The following ABCA2 variants were observed in gnomAD, a reference collection of about 807,000 sequenced individuals.
The protein encoded by ABCA2 is ATP-binding cassette sub-family A member 2.
Under a neutral mutation model 262.8 loss-of-function variants are expected in ABCA2, and 84 were observed. The observed-to-expected ratio is 0.32, with a 90% confidence interval of 0.27 to 0.38. The LOEUF (loss-of-function observed/expected upper bound fraction) is 0.38. ABCA2 is among the 10% of genes least tolerant of loss of function. ABCA2 has a pLI of 1.00. For synonymous variants in ABCA2, 1,696 were observed against 1,502.9 expected (o/e 1.13, Z -2.97); for missense variants, 2,662 against 3,405.9 (o/e 0.78, Z 5.44).
chr9:137,017,873 G>C lies in ABCA2; in HGVS notation c.2125C>G (p.Pro709Ala). 1 of 1,612,598 alleles carries C rather than the reference G, an allele frequency of 6.2e-7. No homozygotes were observed. Among genetic ancestry groups the C allele is most frequent in the Non-Finnish European group, 8.5e-7 (1 of 1,179,860 alleles). ...DFLFVIEHMM[P>A]LCMVISWVYS... ...ACCCAGGAGATCACCATGCACAGCG[G>C]CATCATGTGCTCAATGACAAACAGG... Residue 709 changes from proline (P) to alanine (A), a missense_variant, in exon 16 of 49, where the codon CCG becomes GCG. Transcript: ENST00000341511.
chr9:137,016,968 C>T lies in ABCA2; in HGVS notation c.2710G>A (p.Ala904Thr), dbSNP rs376136854. Residue 904 changes from alanine to threonine, a missense_variant, in exon 19 of 49, where the codon GCC (alanine) becomes ACC (threonine). Physicochemically the swap from Ala to Thr is moderately conservative, Grantham distance 58 (BLOSUM62 0). Coordinates refer to ENST00000341511, the MANE Select transcript of ABCA2 (RefSeq NM_001606.5). The part of the protein sequence containing the change: ...LLAVTMLMVD[A>T]VVYGILTWYI... ...CACGTGAGGATGCCATAGACCACGG[C>T]GTCCACCATCAGCATGGTGACAGCC... The T allele has an allele frequency of 4.3e-6, 7 of 1,612,688 alleles. No homozygotes were observed. The African/African-American group carries it at 5.3e-5, about 12-fold the overall frequency.
At chr9:137,023,906 AC>A in intron 2 of ABCA2, 66 bp from the exon 3 acceptor site, 1 of 1,074,940 alleles carries the variant, frequency 9.3e-7, no homozygotes, top group Non-Finnish European at 1.4e-6. Flanking sequence ...AACAGAGGAG[AC>A]CAGTGAGTGC....
At chr9:137,010,941 C>T in intron 39 of ABCA2, 32 bp downstream of exon 39, 1 of 656,356 alleles carries the variant, frequency 1.5e-6, no homozygotes, top group South Asian at 1.7e-5. Context: ...CTGCTCCCGC[C>T]CCGCCCCCGC....
In ABCA2 at chr9:137,021,270, C is replaced by T; in HGVS notation, c.897+122G>A. On this transcript the variant is annotated intron_variant, in intron 8 of 48. Transcript: ENST00000341511. The surrounding 1 kb of genome is among the most constrained non-coding windows in gnomAD (Gnocchi z 6.0). ...AGCCATGGTGCCATTGGATACCCAC[C>T]CACAGGCAGCATCCCACGCACAGCC... The T allele has an allele frequency of 7.4e-7, 1 of 1,351,248 alleles. No individual in the cohort carries two copies. The highest frequency in any genetic ancestry group is 1.0e-6 in the Non-Finnish European group (1 of 1,000,984). The allele number at this position is 1,351,248 out of a possible 1,614,324, so 83.7% of individuals were successfully genotyped here.
At chr9:137,022,286 A>T in intron 6 of ABCA2, 65 bp downstream of exon 6, 1 of 1,502,942 alleles carries the variant, frequency 6.7e-7, no homozygotes, top group Non-Finnish European at 8.9e-7. Context: ...AGGATGGCTC[A>T]GCAACCAGGG....
Position 137,015,108 on chromosome 9 carries a change from C to A in ABCA2, c.3698-11G>T, listed in dbSNP as rs377491135. 1 of 1,564,986 alleles carries A rather than the reference C, an allele frequency of 6.4e-7. No individual in the cohort carries two copies. Among genetic ancestry groups the A allele is most frequent in the Non-Finnish European group, 8.6e-7 (1 of 1,158,508 alleles). ...ATGCCAGCCCTGGCTCTGTGGGGGA[C>A]GTGGGAGCAGGAAGGAATTCACTCA... On this transcript the variant is annotated splice_polypyrimidine_tract_variant and intron_variant, in intron 24 of 48. Coordinates refer to ENST00000341511, the MANE Select transcript of ABCA2 (RefSeq NM_001606.5).
chr9:137,024,330 C>A, intron 1 of ABCA2, 94 bp from the exon 2 acceptor site: 3 of 1,094,298 alleles, frequency 2.7e-6, no homozygotes, highest in Non-Finnish European at 3.9e-6. Context: ...CCAGACAGGA[C>A]CACGTGCTCC....
rs1564212766 is a variant in ABCA2 at position 137,010,707 on chromosome 9, C to T, written c.6087G>A (p.Glu2029=). Residue 2029 remains glutamate (E), a synonymous_variant, in exon 40 of 49, where the codon GAG becomes GAA. Transcript: ENST00000341511. Reference sequence around the variant, plus strand: ...GCTCACTGGCCACGTCCACATCATCCTCCACAGGCTTGGTAGACACAGGCA... The same window carrying T: ...GCTCACTGGCCACGTCCACATCATCTTCCACAGGCTTGGTAGACACAGGCA... The part of the protein sequence containing the change: ...QRMPVSTKPV[E]DDVDVASERQ... 1.9e-6 allele frequency: 3 copies of T among 1,612,572 alleles called. No individual in the cohort carries two copies. The East Asian group carries it at 6.7e-5, about 36-fold the overall frequency.
chr9:137,013,709 G>T, intron 28 of ABCA2, 123 bp downstream of exon 28: 1 of 1,352,306 alleles, frequency 7.4e-7, no homozygotes, highest in Non-Finnish European at 1.0e-6. Context: ...ACCCCGGTGC[G>T]TGCCCAGCCT....
chr9:137,012,242 C>T (rs757102847), intron 33 of ABCA2, 23 bp downstream of exon 33: 1 of 1,595,382 alleles, frequency 6.3e-7, no homozygotes, highest in Non-Finnish European at 8.5e-7. Flanking sequence ...CCGCCCCGCC[C>T]CGCCCTGCCT....
chr9:137,020,919 A>T lies in ABCA2; in HGVS notation c.1040T>A (p.Leu347Gln). Residue 347 changes from leucine to glutamine, a missense_variant, in exon 9 of 49, where the codon CTG becomes CAG. This residue lies in a region of ABCA2 where 403 missense variants were observed against 375.9 expected (regional missense o/e 1.07). Transcript: ENST00000341511. The stretch of plus-strand genomic sequence containing the variant: ...CCGGCCAGTGCAGGCACCCTGGGGC[A>T]GTAGCAGGGCCAGGGCCGACAGGAC... ...VDVLSALALL[L>Q]PQGACTGRTP... 1 of 1,565,428 alleles carries T rather than the reference A, an allele frequency of 6.4e-7. No homozygotes were observed. Among genetic ancestry groups the T allele is most frequent in the East Asian group, 2.3e-5 (1 of 42,928 alleles).
In ABCA2 at chr9:137,022,066, GGCTCCGATGGACGTGT is replaced by G. The variant is rs1831476957; in HGVS notation, c.568-81_568-66del. 131 of 677,808 alleles carry G rather than the reference GGCTCCGATGGACGTGT, an allele frequency of 1.9e-4. No individual in the cohort carries two copies. The South Asian group carries it at 2.2e-3, about 11-fold the overall frequency. The allele number at this position is 677,808 out of a possible 1,614,324, so 42.0% of individuals were successfully genotyped here. On this transcript the variant is annotated intron_variant, in intron 6 of 48. Transcript: ENST00000341511. ...GGCGTGGCTCAGATGGTGGGGGCGTGGCTCCGATGGACGTGTGGGGGCGTGGCTTAGATGGTGGGGG... is the reference window on the plus strand; with the variant it reads ...GGCGTGGCTCAGATGGTGGGGGCGTGGGGGGCGTGGCTTAGATGGTGGGGG...
chr9:137,008,717 C>A lies in ABCA2; in HGVS notation c.7068+14G>T, dbSNP rs1399433031. The A allele has an allele frequency of 3.2e-6, 5 of 1,572,094 alleles. No homozygotes were observed. The highest frequency in any genetic ancestry group is 4.3e-6 in the Non-Finnish European group (5 of 1,159,808). On this transcript the variant is annotated intron_variant, in intron 47 of 48. Coordinates refer to ENST00000341511, the MANE Select transcript of ABCA2 (RefSeq NM_001606.5). ...AGGGGCAGGTGTGGTGCGCAGTGCC[C>A]TTGGGGCGCTCACATTGTCCAGTGT...
At chr9:137,024,797 C>CTTTTT (rs869249419) in intron 1 of ABCA2, among the ~76,000 whole-genome samples, 2 of 139,624 alleles carry the variant, frequency 1.4e-5, no homozygotes, top group African/African-American at 2.7e-5. Context: ...GCAAAGGCAC[C>CTTTTT]TTTTTTTTTT....
In ABCA2 at chr9:137,020,509, C is replaced by A; in HGVS notation, c.1266-14G>T. 1 of 1,576,358 alleles carries A rather than the reference C, an allele frequency of 6.3e-7. No homozygotes were observed. The highest frequency in any genetic ancestry group is 8.6e-7 in the Non-Finnish European group (1 of 1,162,550). On this transcript the variant is annotated splice_polypyrimidine_tract_variant and intron_variant, in intron 9 of 48. Transcript: ENST00000341511. Reference sequence around the variant, plus strand: ...GGTTCAATGGTGCTGGGGTAGGGGACAGGGGGCCGGGCCAGGCCGTTAGGG... The same window carrying A: ...GGTTCAATGGTGCTGGGGTAGGGGAAAGGGGGCCGGGCCAGGCCGTTAGGG...
At chr9:137,009,344 C>T in intron 45 of ABCA2, 26 bp downstream of exon 45, 1 of 1,523,732 alleles carries the variant, frequency 6.6e-7, no homozygotes, top group Non-Finnish European at 8.9e-7. Context: ...CCGCCCCAGC[C>T]CACCCCTGGC....
Position 137,019,271 on chromosome 9 carries a change from A to C in ABCA2, c.1461T>G (p.Thr487=). Residue 487 remains threonine, a synonymous_variant, in exon 11 of 49, where the codon ACT becomes ACG. Coordinates refer to ENST00000341511, the MANE Select transcript of ABCA2 (RefSeq NM_001606.5). The surrounding 1 kb of genome is among the most constrained non-coding windows in gnomAD (Gnocchi z 4.4). ...TGTTGAGCCAGACCTGGGCATAGTG[A>C]GTCACGTTGCCCACAAAAGCAAAAG... ...NETFAFVGNV[T]HYAQVWLNIS... is the part of the protein sequence containing the mutation. The C allele has an allele frequency of 6.2e-7, 1 of 1,612,556 alleles. No individual in the cohort carries two copies. The highest frequency in any genetic ancestry group is 1.1e-5 in the South Asian group (1 of 91,070).
In ABCA2 at chr9:137,019,345, G is replaced by T. The variant is rs1831374236; in HGVS notation, c.1426-39C>A. 2 of 1,601,902 alleles carry T rather than the reference G, an allele frequency of 1.2e-6. No individual in the cohort carries two copies. The highest frequency in any genetic ancestry group is 2.2e-5 in the East Asian group (1 of 44,666). On this transcript the variant is annotated intron_variant, in intron 10 of 48. Coordinates refer to ENST00000341511, the MANE Select transcript of ABCA2 (RefSeq NM_001606.5). The surrounding 1 kb of genome is among the most constrained non-coding windows in gnomAD (Gnocchi z 4.4). The stretch of plus-strand genomic sequence containing the variant: ...GGCAGGGGCATGGAGTTTCTGGACG[G>T]ACCCCCACCGACTTGGGGGCTCTCA...
Position 137,021,368 on chromosome 9 carries a change from G to T in ABCA2, c.897+24C>A. On this transcript the variant is annotated intron_variant, in intron 8 of 48. Coordinates refer to ENST00000341511, the MANE Select transcript of ABCA2 (RefSeq NM_001606.5). The surrounding 1 kb of genome is among the most constrained non-coding windows in gnomAD (Gnocchi z 6.0). Reference sequence around the variant, plus strand: ...AACTCAGGCAGCAAGCAGCGCAGCGGGCAGTGGGCAGGCAGGGCCTCACCT... The same window carrying T: ...AACTCAGGCAGCAAGCAGCGCAGCGTGCAGTGGGCAGGCAGGGCCTCACCT... 6.3e-7 allele frequency: 1 copy of T among 1,599,090 alleles called. No individual in the cohort carries two copies.
Sources: gnomAD v4.1 joint callset for allele counts (sites outside exome capture counted in the v4.1 genomes callset) on GRCh38, gnomAD v4.1.1 for gene constraint, gnomAD v4.1.1 regional missense constraint, Gnocchi (gnomAD v3.1) non-coding constraint, MANE v1.5 for transcripts, NCBI Gene and HGNC (gene_info 2026-07-23, HGNC 2026-07-21) for gene names.